Variants in AXDND1 observed in about 807,000 individuals in gnomAD.
The protein encoded by AXDND1 is axonemal dynein light chain domain-containing protein 1.
In AXDND1, 110 loss-of-function variants were observed where a neutral mutation model predicts 137.5. That is an observed-to-expected ratio of 0.80 (90% CI 0.69 to 0.94). AXDND1 has a LOEUF of 0.94. Ranked by LOEUF, AXDND1 falls within the 40% of genes least tolerant of loss-of-function variation. The probability of loss-of-function intolerance (pLI) is 0.00; values close to 1 mark genes in which losing one functional copy is unlikely to be tolerated. For synonymous variants in AXDND1, 414 were observed against 399.7 expected (o/e 1.04, Z -0.43); for missense variants, 1,191 against 1,169.8 (o/e 1.02, Z -0.26).
chr1:179,474,892 G>C (rs1292832689), intron 17 of AXDND1, among the ~76,000 whole-genome samples: 2 of 152,190 alleles, frequency 1.3e-5, no homozygotes, highest in Non-Finnish European at 1.5e-5. Flanking sequence ...TGGAGGCCTA[G>C]GAGGTAAAAA....
At chr1:179,430,080 T>G (rs1205273352) in intron 13 of AXDND1, among the ~76,000 whole-genome samples, 3 of 151,660 alleles carry the variant, frequency 2.0e-5, no homozygotes, top group African/African-American at 7.3e-5. Flanking sequence ...TAATAAAAAT[T>G]AATCCCAAAT....
intron 11 of AXDND1, among the ~76,000 whole-genome samples, chr1:179,398,356 C>T (rs745618375): frequency 6.6e-6 from 1 of 152,194 alleles, no homozygotes; most frequent in African/African-American, 2.4e-5. Flanking sequence ...TAGGAATCCA[C>T]TGCACTGGGG....
intron 16 of AXDND1, among the ~76,000 whole-genome samples, chr1:179,466,276 C>CTTTTTTTTTT (rs1558222697): frequency 4.9e-5 from 6 of 121,362 alleles, no homozygotes; most frequent in South Asian, 2.6e-4. Flanking sequence ...TTTCTTTCTT[C>CTTTTTTTTTT]TTCTTCTTCT....
At chr1:179,464,189 G>C (rs1182509899) in intron 16 of AXDND1, among the ~76,000 whole-genome samples, 2 of 152,180 alleles carry the variant, frequency 1.3e-5, no homozygotes, top group Non-Finnish European at 2.9e-5. Flanking sequence ...CTCGTTAGTT[G>C]ATGCAGTTTC....
intron 12 of AXDND1, among the ~76,000 whole-genome samples, chr1:179,418,591 C>T (rs201354292): frequency 0.35 from 52,031 of 150,338 alleles, 9,168 homozygotes; most frequent in Middle Eastern, 0.44. Context: ...CCTCACCTCC[C>T]GGACGGGGCG....
At chr1:179,400,904 CAAAAAAAAA>C (rs151090012) in intron 11 of AXDND1, among the ~76,000 whole-genome samples, 4 of 53,670 alleles carry the variant, frequency 7.5e-5, no homozygotes, top group Non-Finnish European at 1.2e-4. Flanking sequence ...GACTCTGTCT[CAAAAAAAAA>C]AAAAAAAAAA....
At chr1:179,479,549 G>A (rs1400287695) in intron 17 of AXDND1, among the ~76,000 whole-genome samples, 6 of 151,376 alleles carry the variant, frequency 4.0e-5, no homozygotes, top group Admixed American at 2.6e-4. Context: ...AGGCTGAGGT[G>A]GGCGGATCAC....
intron 12 of AXDND1, among the ~76,000 whole-genome samples, chr1:179,414,221 A>G (rs1654341908): frequency 6.6e-6 from 1 of 151,976 alleles, no homozygotes; most frequent in Non-Finnish European, 1.5e-5. Context: ...CGTATTACCT[A>G]TATACAATAA....
At chr1:179,502,747 CTG>C (rs1668134765) in intron 20 of AXDND1, among the ~76,000 whole-genome samples, 1 of 151,734 alleles carries the variant, frequency 6.6e-6, no homozygotes, top group Non-Finnish European at 1.5e-5. Context: ...TTCTATTCAT[CTG>C]TCAGTATACT....
chr1:179,484,796 G>A (rs1198447224), intron 18 of AXDND1, among the ~76,000 whole-genome samples: 1 of 152,164 alleles, frequency 6.6e-6, no homozygotes, highest in East Asian at 1.9e-4. Flanking sequence ...CACTGTGAGT[G>A]CATCACACTC....
At chr1:179,527,827 A>G (rs908660958) in intron 22 of AXDND1, among the ~76,000 whole-genome samples, 2 of 152,100 alleles carry the variant, frequency 1.3e-5, no homozygotes, top group Non-Finnish European at 2.9e-5. Flanking sequence ...TAACAAAACC[A>G]TTACTACTGC....
At chr1:179,554,429 A>G (rs1244513707) in intron 25 of AXDND1, 83 bp from the exon 26 acceptor site, 2 of 1,610,402 alleles carry the variant, frequency 1.2e-6, no homozygotes, top group Middle Eastern at 1.7e-4. Flanking sequence ...TGAAACCAGA[A>G]TATTTTCCTT....
At chr1:179,378,587 G>A (rs1647681809) in intron 4 of AXDND1, 50 bp from the exon 5 acceptor site, 1 of 1,387,986 alleles carries the variant, frequency 7.2e-7, no homozygotes, top group Non-Finnish European at 9.7e-7. Context: ...CTGTTATGTG[G>A]TATCCAGATA....
At chr1:179,408,467 T>C (rs548948900) in intron 11 of AXDND1, among the ~76,000 whole-genome samples, 1 of 152,110 alleles carries the variant, frequency 6.6e-6, no homozygotes, top group South Asian at 2.1e-4. Context: ...ACCACTGCCT[T>C]CTGGGTTCAA....
At chr1:179,461,467 T>A (rs1662312433) in intron 16 of AXDND1, among the ~76,000 whole-genome samples, 1 of 152,106 alleles carries the variant, frequency 6.6e-6, no homozygotes, top group Non-Finnish European at 1.5e-5. Context: ...TGTAGTATAG[T>A]TCGAAGTCAG....
chr1:179,518,239 A>G (rs978192514), intron 21 of AXDND1, among the ~76,000 whole-genome samples: 3 of 152,144 alleles, frequency 2.0e-5, no homozygotes, highest in Non-Finnish European at 4.4e-5. Context: ...TGTCTTCCAT[A>G]TGATAATATT....
chr1:179,496,934 T>C (rs1341232278), intron 20 of AXDND1, among the ~76,000 whole-genome samples: 1 of 152,124 alleles, frequency 6.6e-6, no homozygotes, highest in Non-Finnish European at 1.5e-5. Flanking sequence ...TTAATATCCA[T>C]TTTGCATTCT....
At chr1:179,488,632 C>CTCCT (rs1481343972) in intron 18 of AXDND1, among the ~76,000 whole-genome samples, 3 of 63,120 alleles carry the variant, frequency 4.8e-5, no homozygotes, top group East Asian at 4.2e-4. Flanking sequence ...CTCTCTCTCT[C>CTCCT]TCCTTTCTTT....
At chr1:179,525,260 C>G in intron 21 of AXDND1, 74 bp from the exon 22 acceptor site, 1 of 1,413,576 alleles carries the variant, frequency 7.1e-7, no homozygotes, top group Non-Finnish European at 9.5e-7. Flanking sequence ...GATTAGTGCT[C>G]ATTAAATATT....
Sources: allele counts gnomAD v4.1 joint callset (sites outside exome capture counted in the v4.1 genomes callset), GRCh38; gene constraint gnomAD v4.1.1; transcripts MANE v1.5; gene names NCBI Gene and HGNC (gene_info 2026-07-23, HGNC 2026-07-21).